The following DGKB variants were observed in gnomAD, a reference collection of about 807,000 sequenced individuals.
The protein encoded by DGKB is 90 kDa diacylglycerol kinase.
Under a neutral mutation model 114.3 loss-of-function variants are expected in DGKB, and 67 were observed. The observed-to-expected ratio is 0.59, with a 90% CI of 0.48 to 0.72. The LOEUF is 0.72. Ranked by LOEUF, DGKB falls within the 30% of genes least tolerant of loss-of-function variation. The pLI is 0.00. For missense variants in DGKB, 907 were observed against 975.2 expected, an observed-to-expected ratio of 0.93 and a Z score of 0.93; for synonymous variants, 398 against 323.1, an observed-to-expected ratio of 1.23 and a Z score of -2.49.
rs1781274096 is a variant in DGKB, at chr7:14,471,217, CATATATATG to C, written c.1835+6935_1835+6943del. On this transcript the variant is annotated intron_variant, in intron 21 of 25. Coordinates refer to ENST00000402815, the MANE Select transcript of DGKB (RefSeq NM_001350709.2). The stretch of plus-strand genomic sequence containing the variant: ...TATGTATGGAATATATGTATATATA[CATATATATG>C]TATGGAATATATGTATACATACATA... 3.3e-5 allele frequency among the ~76,000 whole-genome samples: 4 copies of C among 120,714 alleles called. 1 individual carries two copies. The highest frequency in any genetic ancestry group is 1.7e-4 in the African/African-American group (4 of 24,130). 79.2% of individuals were successfully genotyped at this position (120,714 alleles called of 152,430 possible).
chr7:14,901,830 C>T (rs896144312), intron 1 of DGKB, among the ~76,000 whole-genome samples: 9 of 152,158 alleles, frequency 5.9e-5, no homozygotes, highest in Non-Finnish European at 1.3e-4. Flanking sequence ...GCAATTTGAG[C>T]AACCAGTTGA....
chr7:14,209,408 T>A, intron 23 of DGKB: 1 of 469,338 alleles, frequency 2.1e-6, no homozygotes, highest in South Asian at 1.6e-5. Flanking sequence ...ATCAAAACAT[T>A]TGGATGCCCT....
chr7:14,292,546 T>C (rs1735404352), intron 23 of DGKB, among the ~76,000 whole-genome samples: 2 of 152,190 alleles, frequency 1.3e-5, no homozygotes, highest in South Asian at 4.1e-4. Context: ...AGCCCCCAAA[T>C]AGGAAACTAA....
intron 14 of DGKB, among the ~76,000 whole-genome samples, chr7:14,628,624 T>C (rs1262206774): frequency 6.6e-6 from 1 of 152,176 alleles, no homozygotes; most frequent in Non-Finnish European, 1.5e-5. Flanking sequence ...TATGTATATA[T>C]CTTTCTATAT....
At chr7:14,274,975 T>TGTG (rs1562807912) in intron 23 of DGKB, among the ~76,000 whole-genome samples, 3 of 133,804 alleles carry the variant, frequency 2.2e-5, no homozygotes, top group East Asian at 2.2e-4. Context: ...GTGTGTGTGT[T>TGTG]TGTGTGTGCG....
At chr7:14,972,276 T>C (rs906674511) in intron 1 of DGKB, among the ~76,000 whole-genome samples, 1 of 152,132 alleles carries the variant, frequency 6.6e-6, no homozygotes, top group African/African-American at 2.4e-5. Flanking sequence ...ATTTCTAAAT[T>C]TTAGAATTCC....
intron 20 of DGKB, among the ~76,000 whole-genome samples, chr7:14,531,330 T>A (rs1230638204): frequency 6.6e-6 from 1 of 151,410 alleles, no homozygotes; most frequent in African/African-American, 2.4e-5. Context: ...AACAAAAACA[T>A]CACTGGAATT....
intron 10 of DGKB, 81 bp from the exon 11 acceptor site, chr7:14,682,922 A>G: frequency 2.1e-6 from 2 of 960,744 alleles, no homozygotes. Flanking sequence ...ACATTAACAG[A>G]ACCTCATTTC....
intron 20 of DGKB, among the ~76,000 whole-genome samples, chr7:14,484,108 C>T (rs1331438508): frequency 1.3e-5 from 2 of 150,904 alleles, no homozygotes; most frequent in African/African-American, 2.4e-5. Context: ...TTTTGATCCT[C>T]TTAATTTGAA....
At chr7:14,861,802 T>C (rs1468596102) in intron 1 of DGKB, among the ~76,000 whole-genome samples, 3 of 152,050 alleles carry the variant, frequency 2.0e-5, no homozygotes, top group Non-Finnish European at 2.9e-5. Context: ...ACTGAATTCC[T>C]TCATTTTCAC....
chr7:14,633,482 C>T (rs1292464648), intron 13 of DGKB, among the ~76,000 whole-genome samples: 19 of 151,872 alleles, frequency 1.3e-4, no homozygotes, highest in Admixed American at 1.2e-3. Flanking sequence ...ATTAAATGTA[C>T]ATGCCCATCA....
intron 8 of DGKB, 70 bp downstream of exon 8, chr7:14,698,017 GAGAAAGAA>G (rs937234038): frequency 4.4e-6 from 3 of 676,360 alleles, no homozygotes; most frequent in African/African-American, 4.2e-5. Context: ...AAGAAAGAAA[GAGAAAGAA>G]AGAAAGAAAG....
chr7:14,733,774 A>G (rs796112937), intron 5 of DGKB, among the ~76,000 whole-genome samples: 70 of 148,246 alleles, frequency 4.7e-4, no homozygotes, highest in East Asian at 1.0e-3. Flanking sequence ...AGAAAGAAAG[A>G]AAGGAAGAAA....
chr7:14,363,508 G>A (rs1264685756), intron 21 of DGKB, among the ~76,000 whole-genome samples: 2 of 152,056 alleles, frequency 1.3e-5, no homozygotes, highest in African/African-American at 4.8e-5. Context: ...CAAAGTCCCT[G>A]TCGGAGAAAG....
intron 13 of DGKB, among the ~76,000 whole-genome samples, chr7:14,637,333 G>A (rs2128866192): frequency 6.6e-6 from 1 of 151,914 alleles, no homozygotes; most frequent in Admixed American, 6.6e-5. Flanking sequence ...CATAGTTCTG[G>A]TAATAAAAAT....
chr7:14,753,688 T>A (rs1051370053), intron 4 of DGKB, among the ~76,000 whole-genome samples: 1 of 152,160 alleles, frequency 6.6e-6, no homozygotes, highest in African/African-American at 2.4e-5. Flanking sequence ...AAGGCCACAC[T>A]TGAGACCCTT....
chr7:14,877,099 A>G (rs1187960220), intron 1 of DGKB, among the ~76,000 whole-genome samples: 1 of 152,204 alleles, frequency 6.6e-6, no homozygotes, highest in Non-Finnish European at 1.5e-5. Context: ...TTTTTCTCAT[A>G]TAACAATGCT....
chr7:14,696,486 A>G (rs1450877941), intron 8 of DGKB, among the ~76,000 whole-genome samples: 2 of 134,662 alleles, frequency 1.5e-5, no homozygotes, highest in African/African-American at 2.7e-5. Flanking sequence ...TGGGCGACAG[A>G]GCGAGACTCC....
intron 21 of DGKB, among the ~76,000 whole-genome samples, chr7:14,387,558 C>G (rs964760634): frequency 1.3e-5 from 2 of 152,112 alleles, no homozygotes; most frequent in East Asian, 3.9e-4. Context: ...GACTATAGGT[C>G]TGTGCCAACA....
Sources: gnomAD v4.1 joint callset for allele counts (sites outside exome capture counted in the v4.1 genomes callset) on GRCh38, gnomAD v4.1.1 for gene constraint, MANE v1.5 for transcripts, NCBI Gene and HGNC (gene_info 2026-07-23, HGNC 2026-07-21) for gene names.